The following ALPK1 variants were observed in gnomAD, a reference collection of about 807,000 sequenced individuals.
ALPK1 encodes the protein alpha kinase 1, also known as alpha-protein kinase 1.
Under a neutral mutation model 120.6 loss-of-function variants are expected in ALPK1, and 110 were observed. The ratio of observed to expected loss-of-function variants is 0.91; its 90% CI spans 0.78 to 1.07. The LOEUF (loss-of-function observed/expected upper bound fraction) is 1.07, where lower values mean the gene tolerates loss of function less well. Among genes scored for constraint, ALPK1 ranks in the 50% least tolerant of loss-of-function variants. The pLI is 0.00. For synonymous variants in ALPK1, 582 were observed against 560.3 expected, an observed-to-expected ratio of 1.04 and a Z score of -0.55; for missense variants, 1,498 against 1,483.9, an observed-to-expected ratio of 1.01 and a Z score of -0.16.
chr4:112,441,215 C>A lies in ALPK1; in HGVS notation c.*5C>A. On this transcript the variant is annotated 3_prime_UTR_variant, in exon 16 of 16. Transcript: ENST00000650871. Reference sequence around the variant, plus strand: ...TCTCTCCTTCCAGGCACATAGAATACGGCACAGTCTGGTCCTTTGGGGCTT... The same window carrying A: ...TCTCTCCTTCCAGGCACATAGAATAAGGCACAGTCTGGTCCTTTGGGGCTT... The A allele has an allele frequency of 1.3e-6, 2 of 1,576,202 alleles. No homozygotes were observed. Among genetic ancestry groups the A allele is most frequent in the Non-Finnish European group, 1.7e-6 (2 of 1,145,528 alleles).
At chr4:112,314,413 G>A (rs1251893840) in intron 1 of ALPK1, among the ~76,000 whole-genome samples, 5 of 152,182 alleles carry the variant, frequency 3.3e-5, no homozygotes. Context: ...GTAGTGAATA[G>A]CGAGAGAGAT....
chr4:112,431,045 A>G lies in ALPK1; in HGVS notation c.1498A>G (p.Ile500Val), dbSNP rs1351501492. 8 of 1,613,884 alleles carry G rather than the reference A, an allele frequency of 5.0e-6. No homozygotes were observed. The highest frequency in any genetic ancestry group is 6.8e-6 in the Non-Finnish European group (8 of 1,179,974). The change falls in exon 11 of 16, where the codon ATA becomes GTA. Residue 500 changes from isoleucine to valine, a missense_variant. Physicochemically the swap from Ile to Val is conservative, Grantham distance 29. Transcript: ENST00000650871. The stretch of plus-strand genomic sequence containing the variant: ...TGCTCTAAAAACAGAAATAAAAAAC[A>G]TAGATACTGTGAGTACTACTCAAGA... ...ITALKTEIKN[I>V]DTVSTTQEKP...
intron 2 of ALPK1, among the ~76,000 whole-genome samples, chr4:112,335,845 G>T (rs1293103797): frequency 1.3e-5 from 2 of 152,134 alleles, no homozygotes; most frequent in African/African-American, 4.8e-5. Context: ...TTCACAGAGG[G>T]ATCACAGTTC....
chr4:112,393,114 G>T (rs1732496141), intron 4 of ALPK1, among the ~76,000 whole-genome samples: 1 of 152,240 alleles, frequency 6.6e-6, no homozygotes. Flanking sequence ...ATAAGGAATT[G>T]CACACTGGGT....
At chr4:112,397,401 C>T (rs1560669678) in intron 4 of ALPK1, among the ~76,000 whole-genome samples, 1 of 152,232 alleles carries the variant, frequency 6.6e-6, no homozygotes, top group Non-Finnish European at 1.5e-5. Flanking sequence ...TCACACTAGG[C>T]ATGAATTATT....
chr4:112,334,442 A>AG (rs1368268451), intron 2 of ALPK1, among the ~76,000 whole-genome samples: 4 of 151,710 alleles, frequency 2.6e-5, no homozygotes, highest in African/African-American at 7.3e-5. Flanking sequence ...CAAAAAAAAA[A>AG]AAAAAGAAAA....
chr4:112,310,799 A>C (rs1288387643), intron 1 of ALPK1, among the ~76,000 whole-genome samples: 2 of 152,098 alleles, frequency 1.3e-5, no homozygotes, highest in African/African-American at 2.4e-5. Context: ...TAAGACCCTT[A>C]TAGCAATGCT....
At chr4:112,321,604 C>T (rs1207167256) in intron 2 of ALPK1, among the ~76,000 whole-genome samples, 1 of 152,106 alleles carries the variant, frequency 6.6e-6, no homozygotes, top group African/African-American at 2.4e-5. Context: ...ATTGTTGACC[C>T]AACAATCATT....
In ALPK1 at chr4:112,428,333, T is replaced by C. The variant is rs184994781; in HGVS notation, c.795+668T>C. On this transcript the variant is annotated intron_variant, in intron 9 of 15. Coordinates refer to ENST00000650871, the MANE Select transcript of ALPK1 (RefSeq NM_025144.4). ...TGTTCTGCTGCTCTTCACACTGTGC[T>C]TAAATGGAGTTTTTATTATCGTCTA... Among the ~76,000 whole-genome samples, 15 of 152,324 alleles carry C rather than the reference T, an allele frequency of 9.8e-5. No homozygotes were observed. In the East Asian group the frequency reaches 2.5e-3, roughly 25 times the overall value.
rs754264148 is a variant in ALPK1 at position 112,441,246 on chromosome 4, GGGCCGTGACACA to G, written c.*39_*50del. The G allele has an allele frequency of 2.9e-6, 4 of 1,380,698 alleles. No individual in the cohort carries two copies. The highest frequency in any genetic ancestry group is 1.4e-5 in the African/African-American group (1 of 69,790). The allele number at this position is 1,380,698 out of a possible 1,614,324, so 85.5% of individuals were successfully genotyped here. A position where few individuals can be genotyped will look rare whatever the true frequency, so the allele number is the denominator to read the frequency against. On this transcript the variant is annotated 3_prime_UTR_variant, in exon 16 of 16. Transcript: ENST00000650871. Reference sequence around the variant, plus strand: ...AGTCTGGTCCTTTGGGGCTTGGGCAGGGCCGTGACACAGGTTCTGGCCAATGATTTGCAAGAG... The same window carrying G: ...AGTCTGGTCCTTTGGGGCTTGGGCAGGGTTCTGGCCAATGATTTGCAAGAG...
At chr4:112,372,328 C>T (rs1466149506) in intron 2 of ALPK1, among the ~76,000 whole-genome samples, 3 of 151,774 alleles carry the variant, frequency 2.0e-5, no homozygotes, top group African/African-American at 4.8e-5. Flanking sequence ...ATTCTCCTGC[C>T]TCAGCCTCCC....
In ALPK1 at chr4:112,358,772, G is replaced by C. The variant is rs948892261; in HGVS notation, c.-100-18906G>C. 3 of 819,148 alleles carry C rather than the reference G, an allele frequency of 3.7e-6. No homozygotes were observed. In the African/African-American group the frequency reaches 5.0e-5, roughly 14 times the overall value. The allele number at this position is 819,148 out of a possible 1,614,324, so 50.7% of individuals were successfully genotyped here. On this transcript the variant is annotated intron_variant, in intron 2 of 15. Transcript: ENST00000650871. ...CCGTGGCTGGTGCACAGATGAACAC[G>C]GCCAAGCTCTTCATGGTGGCCATGA...
At chr4:112,359,557 C>A in intron 2 of ALPK1, 1 of 246,028 alleles carries the variant, frequency 4.1e-6, no homozygotes, top group Non-Finnish European at 8.1e-6. Flanking sequence ...GCCACGCCTC[C>A]TATGCTCACC....
intron 2 of ALPK1, among the ~76,000 whole-genome samples, chr4:112,365,470 G>T (rs901013175): frequency 3.9e-5 from 6 of 151,966 alleles, no homozygotes; most frequent in African/African-American, 1.4e-4. Flanking sequence ...AGATGCAAAA[G>T]AAATACAATA....
intron 2 of ALPK1, among the ~76,000 whole-genome samples, chr4:112,366,963 C>T (rs758871064): frequency 7.9e-5 from 12 of 152,132 alleles, no homozygotes; most frequent in Non-Finnish European, 1.6e-4. Flanking sequence ...AACCAAACGT[C>T]GTATGTTCTC....
intron 2 of ALPK1, among the ~76,000 whole-genome samples, chr4:112,332,674 C>T (rs1432129509): frequency 6.6e-6 from 1 of 152,184 alleles, no homozygotes; most frequent in Non-Finnish European, 1.5e-5. Flanking sequence ...AATACAGGAA[C>T]TTGGAAAATA....
intron 2 of ALPK1, among the ~76,000 whole-genome samples, chr4:112,369,675 T>G (rs1157833456): frequency 6.6e-6 from 1 of 152,096 alleles, no homozygotes; most frequent in Non-Finnish European, 1.5e-5. Flanking sequence ...AGAGTGATAC[T>G]CGGTCTCAAA....
rs754147878 is a variant in ALPK1, at chr4:112,438,631, A to G, written c.3336A>G (p.Pro1112=). The stretch of plus-strand genomic sequence containing the variant: ...TTCCCACCCAGATATTCTACATCCC[A>G]TCCACAATACTACTGGTAAGATTAT... The part of the protein sequence containing the change: ...QNIPTQIFYI[P]STILLILEDK... Residue 1112 remains proline, a synonymous_variant, in exon 13 of 16, where the codon CCA becomes CCG. Coordinates refer to ENST00000650871, the MANE Select transcript of ALPK1 (RefSeq NM_025144.4). The G allele has an allele frequency of 4.3e-6, 7 of 1,613,622 alleles. No individual in the cohort carries two copies. In the East Asian group the frequency reaches 1.6e-4, roughly 36 times the overall value.
intron 2 of ALPK1, among the ~76,000 whole-genome samples, chr4:112,362,681 A>C (rs1441952332): frequency 6.6e-6 from 1 of 152,216 alleles, no homozygotes; most frequent in Non-Finnish European, 1.5e-5. Flanking sequence ...AATCAAGAAA[A>C]AGTTCCCTGT....
Sources: allele counts gnomAD v4.1 joint callset (sites outside exome capture counted in the v4.1 genomes callset), GRCh38; gene constraint gnomAD v4.1.1; transcripts MANE v1.5; gene names NCBI Gene and HGNC (gene_info 2026-07-23, HGNC 2026-07-21).